Variants in ST7 observed in about 807,000 individuals in gnomAD.
ST7 encodes suppression of tumorigenicity 7.
A neutral mutation model predicts 78.7 loss-of-function variants in ST7; 28 were observed. The observed-to-expected ratio is 0.36, with a 90% CI of 0.26 to 0.49. The LOEUF (loss-of-function observed/expected upper bound fraction) is 0.49. ST7 is among the 20% of genes least tolerant of loss of function. The probability of loss-of-function intolerance (pLI) is 0.99; values close to 1 mark genes in which losing one functional copy is unlikely to be tolerated. For synonymous variants in ST7, 247 were observed against 249.6 expected (o/e 0.99, Z 0.10); for missense variants, 418 against 696.0 (o/e 0.60, Z 4.49).
intron 10 of ST7, among the ~76,000 whole-genome samples, chr7:117,184,982 C>T (rs1332904622): frequency 6.6e-6 from 1 of 152,046 alleles, no homozygotes; most frequent in East Asian, 1.9e-4. Context: ...GCAAAAATAA[C>T]CAAGCCTCAC....
chr7:117,213,377 G>A (rs1792441247), intron 13 of ST7, among the ~76,000 whole-genome samples: 1 of 152,158 alleles, frequency 6.6e-6, no homozygotes, highest in Admixed American at 6.5e-5. Context: ...TGTTTAAAAT[G>A]ATTATTAGTA....
chr7:116,963,192 C>T (rs1190429402), intron 1 of ST7, among the ~76,000 whole-genome samples: 1 of 152,148 alleles, frequency 6.6e-6, no homozygotes, highest in Non-Finnish European at 1.5e-5. Context: ...TTGTTTGAAA[C>T]CACACTACTG....
chr7:117,011,998 AGAGTGGGATTTAGTGGTTACT>A (rs1795405402), intron 1 of ST7, among the ~76,000 whole-genome samples: 1 of 152,208 alleles, frequency 6.6e-6, no homozygotes, highest in Admixed American at 6.5e-5. Context: ...ACTGAAAAGT[AGAGTGGGATTTAGTGGTTACT>A]GAGTGTGCCT....
At chr7:117,038,451 A>G (rs1278445675) in intron 1 of ST7, among the ~76,000 whole-genome samples, 1 of 152,192 alleles carries the variant, frequency 6.6e-6, no homozygotes, top group Admixed American at 6.5e-5. Flanking sequence ...AGGAAGGAAG[A>G]AGAAAAAGAA....
chr7:117,125,686 T>C (rs970198527), intron 3 of ST7, among the ~76,000 whole-genome samples: 1 of 152,104 alleles, frequency 6.6e-6, no homozygotes, highest in Non-Finnish European at 1.5e-5. Context: ...ATTGACTGGC[T>C]TGGGGTTAAT....
At chr7:117,007,973 A>T (rs1268712585) in intron 1 of ST7, among the ~76,000 whole-genome samples, 1 of 152,170 alleles carries the variant, frequency 6.6e-6, no homozygotes, top group Non-Finnish European at 1.5e-5. Flanking sequence ...CTGTGTTAAA[A>T]CTGTAAGAAT....
chr7:116,977,496 A>T (rs1224391630), intron 1 of ST7, among the ~76,000 whole-genome samples: 1 of 152,160 alleles, frequency 6.6e-6, no homozygotes, highest in Non-Finnish European at 1.5e-5. Flanking sequence ...AATATAATCT[A>T]ATTTGTGCTG....
intron 2 of ST7, among the ~76,000 whole-genome samples, chr7:117,110,536 A>G (rs1054597324): frequency 2.0e-5 from 3 of 152,186 alleles, no homozygotes; most frequent in African/African-American, 7.2e-5. Context: ...ACAGCTAGCA[A>G]TGGAGGAGCA....
intron 1 of ST7, among the ~76,000 whole-genome samples, chr7:117,027,272 T>C (rs1281271487): frequency 1.3e-5 from 2 of 152,032 alleles, no homozygotes; most frequent in African/African-American, 4.8e-5. Flanking sequence ...TGAAACCCTG[T>C]CTCTACTGAA....
chr7:117,078,414 G>A (rs142626114), intron 1 of ST7, among the ~76,000 whole-genome samples: 1 of 152,338 alleles, frequency 6.6e-6, no homozygotes, highest in East Asian at 1.9e-4. Flanking sequence ...TATATCTGGT[G>A]AAACAGATGA....
chr7:117,166,639 C>T (rs944575356), intron 9 of ST7, among the ~76,000 whole-genome samples: 1 of 152,072 alleles, frequency 6.6e-6, no homozygotes, highest in African/African-American at 2.4e-5. Flanking sequence ...CCTGTAATCC[C>T]AGCACTTTGG....
rs115422445 is a variant in ST7, at chr7:117,036,315, C to T, written c.152-63447C>T. Among the ~76,000 whole-genome samples the T allele has an allele frequency of 1.9e-3, 295 of 152,314 alleles. 2 individuals are homozygous for T. Among genetic ancestry groups the T allele is most frequent in the Middle Eastern group, 0.014 (4 of 294 alleles). ...GTCACTGCTACAAGTGACTGGCTGT[C>T]AGCCCAAATGATGCAGAATATTTTA... On this transcript the variant is annotated intron_variant, in intron 1 of 15. Coordinates refer to ENST00000323984, the MANE Select transcript of ST7 (RefSeq NM_001369598.1).
chr7:117,021,541 T>C (rs889872105), intron 1 of ST7, among the ~76,000 whole-genome samples: 2 of 152,222 alleles, frequency 1.3e-5, no homozygotes, highest in Non-Finnish European at 2.9e-5. Context: ...GGGAGGAATT[T>C]AGGAAACTGA....
At chr7:116,963,632 CT>C (rs1026576295) in intron 1 of ST7, among the ~76,000 whole-genome samples, 4,862 of 135,750 alleles carry the variant, frequency 0.036, 187 homozygotes, top group African/African-American at 0.12. Context: ...TCTTTTTTTT[CT>C]TTTTTTTTTT....
intron 1 of ST7, among the ~76,000 whole-genome samples, chr7:117,004,925 A>T: frequency 6.6e-6 from 1 of 152,198 alleles, no homozygotes; most frequent in East Asian, 1.9e-4. Context: ...ATTAGGAGTA[A>T]TGGGAACTTA....
intron 12 of ST7, chr7:117,199,287 G>T (rs1810598802): frequency 6.6e-6 from 1 of 152,328 alleles, no homozygotes; most frequent in Non-Finnish European, 1.5e-5. Flanking sequence ...GGCCTGAGTG[G>T]TTTTTTGTCT....
chr7:116,959,521 G>T, intron 1 of ST7: 1 of 283,544 alleles, frequency 3.5e-6, no homozygotes, highest in South Asian at 3.5e-5. Flanking sequence ...CCAAGTTACG[G>T]TGTATTTAGT....
chr7:117,058,745 C>T (rs1330141439), intron 1 of ST7, among the ~76,000 whole-genome samples: 1 of 152,142 alleles, frequency 6.6e-6, no homozygotes, highest in South Asian at 2.1e-4. Flanking sequence ...CTGCACTCCC[C>T]TATTTATTGT....
chr7:117,099,765 G>A lies in ST7; in HGVS notation c.155G>A (p.Ser52Asn), dbSNP rs1428956604. The A allele has an allele frequency of 1.2e-6, 2 of 1,611,736 alleles. No individual in the cohort carries two copies. The highest frequency in any genetic ancestry group is 1.3e-5 in the African/African-American group (1 of 74,770). ...LKINDNLSTVSMFLNTLTPKF... is the reference protein window; with the variant it reads ...LKINDNLSTVNMFLNTLTPKF... ...TTCTCTCTCTTTTCTTTTTCAGTGA[G>A]CATGTTTTTGAACACATTAACACCG... The change falls in exon 2 of 16, where the codon AGC becomes AAC. Residue 52 changes from serine (S) to asparagine (N), a missense_variant. Physicochemically the swap from Ser to Asn is conservative, Grantham distance 46. Transcript: ENST00000323984.
Sources: gnomAD v4.1 joint callset for allele counts (sites outside exome capture counted in the v4.1 genomes callset) on GRCh38, gnomAD v4.1.1 for gene constraint, MANE v1.5 for transcripts, NCBI Gene and HGNC (gene_info 2026-07-23, HGNC 2026-07-21) for gene names.